SIK3: variants seen among roughly 807,000 people sequenced by gnomAD.
SIK3 encodes the protein serine/threonine-protein kinase SIK3.
Under a neutral mutation model 144.2 loss-of-function variants are expected in SIK3, and 28 were observed. The ratio of observed to expected loss-of-function variants is 0.19; its 90% CI spans 0.14 to 0.27. The LOEUF is 0.27. Ranked by LOEUF, SIK3 falls within the 10% of genes least tolerant of loss-of-function variation. SIK3 has a pLI of 1.00. For synonymous variants in SIK3, 686 were observed against 676.3 expected (o/e 1.01, Z -0.22); for missense variants, 1,319 against 1,776.0 (o/e 0.74, Z 4.62).
intron 1 of SIK3, among the ~76,000 whole-genome samples, chr11:117,012,829 T>G (rs1474867283): frequency 2.1e-4 from 31 of 149,504 alleles, no homozygotes; most frequent in Non-Finnish European, 2.1e-4. Context: ...TTCTTAGGGT[T>G]TTTTTTTTTG....
chr11:116,967,600 A>C (rs978090659), intron 1 of SIK3, among the ~76,000 whole-genome samples: 5 of 152,208 alleles, frequency 3.3e-5, no homozygotes, highest in African/African-American at 1.2e-4. Context: ...ACATCTCCCA[A>C]TTATTTGACA....
intron 1 of SIK3, among the ~76,000 whole-genome samples, chr11:117,055,929 C>T (rs548765073): frequency 6.6e-6 from 1 of 152,282 alleles, no homozygotes; most frequent in Non-Finnish European, 1.5e-5. Context: ...AATGAACCTG[C>T]CAGTGCCCTC....
Position 117,028,188 on chromosome 11 carries a change from G to A in SIK3, c.273+69955C>T, listed in dbSNP as rs150032152. Among the ~76,000 whole-genome samples, 777 of 152,234 alleles carry A rather than the reference G, an allele frequency of 5.1e-3. 7 individuals carry two copies. Among genetic ancestry groups the A allele is most frequent in the African/African-American group, 0.018 (736 of 41,524 alleles). On this transcript the variant is annotated intron_variant, in intron 1 of 24. Coordinates refer to ENST00000445177, the MANE Select transcript of SIK3 (RefSeq NM_001366686.3). ...ATTATATCAACACTAAGAAATGACGGTAGGACTCAAACTCAATTCCTATGA... is the reference window on the plus strand; with the variant it reads ...ATTATATCAACACTAAGAAATGACGATAGGACTCAAACTCAATTCCTATGA...
At chr11:117,040,100 GA>G (rs1330378497) in intron 1 of SIK3, among the ~76,000 whole-genome samples, 1 of 152,194 alleles carries the variant, frequency 6.6e-6, no homozygotes, top group African/African-American at 2.4e-5. Context: ...AAGGGGAAAA[GA>G]AAGTGCCTTA....
intron 1 of SIK3, among the ~76,000 whole-genome samples, chr11:117,033,059 C>T (rs1952332454): frequency 6.6e-6 from 1 of 152,202 alleles, no homozygotes; most frequent in African/African-American, 2.4e-5. Flanking sequence ...AATAAGGCTT[C>T]TCCTGCCATC....
At chr11:116,990,483 A>G (rs1233664406) in intron 1 of SIK3, among the ~76,000 whole-genome samples, 1 of 152,220 alleles carries the variant, frequency 6.6e-6, no homozygotes, top group East Asian at 1.9e-4. Context: ...AACTCAGAAT[A>G]CGTGGTCTAA....
intron 1 of SIK3, among the ~76,000 whole-genome samples, chr11:117,020,794 C>A (rs1203306001): frequency 2.0e-5 from 3 of 152,144 alleles, no homozygotes; most frequent in Non-Finnish European, 2.9e-5. Context: ...TCACTTGTGT[C>A]CTTTAAAACA....
chr11:116,994,455 G>A (rs925284824), intron 1 of SIK3, among the ~76,000 whole-genome samples: 1 of 152,224 alleles, frequency 6.6e-6, no homozygotes, highest in African/African-American at 2.4e-5. Context: ...CCTAAGAAAG[G>A]TGCTTGCCCT....
chr11:116,991,124 A>G (rs1205615458), intron 1 of SIK3, among the ~76,000 whole-genome samples: 1 of 152,218 alleles, frequency 6.6e-6, no homozygotes, highest in African/African-American at 2.4e-5. Context: ...TAAGGATTTA[A>G]TATCAGGCAC....
chr11:116,970,147 T>C (rs989326016), intron 1 of SIK3, among the ~76,000 whole-genome samples: 22 of 152,288 alleles, frequency 1.4e-4, no homozygotes, highest in African/African-American at 4.1e-4. Flanking sequence ...CACATTAGCA[T>C]GTGCCTGTGG....
At position 116,873,518 on chromosome 11, in the gene SIK3, C is replaced by T. The variant is rs751339743; in HGVS notation, c.1700G>A (p.Arg567His). ...IQLHAQQLLK[R>H]PRGPSPLVTM... ...GACAAGCGGAGAGGGTCCCCGTGGGCGCTTCAGCAGCTGCTGGGCATGCAG... is the reference window on the plus strand; with the variant it reads ...GACAAGCGGAGAGGGTCCCCGTGGGTGCTTCAGCAGCTGCTGGGCATGCAG... Residue 567 changes from arginine (R) to histidine (H), a missense_variant, in exon 13 of 25, where the codon CGC (arginine) becomes CAC (histidine). Arg to His is a conservative substitution (Grantham distance 29). Transcript: ENST00000445177. 6.5e-5 allele frequency: 105 copies of T among 1,613,660 alleles called. No individual in the cohort carries two copies. Among genetic ancestry groups the T allele is most frequent in the Non-Finnish European group, 6.6e-5 (78 of 1,179,888 alleles).
intron 21 of SIK3, among the ~76,000 whole-genome samples, chr11:116,853,583 C>T (rs938704806): frequency 2.0e-5 from 3 of 152,204 alleles, no homozygotes; most frequent in Non-Finnish European, 4.4e-5. Context: ...TCCTGACTCA[C>T]TTACTGGGTT....
At chr11:116,946,784 C>G (rs1347592739) in intron 3 of SIK3, among the ~76,000 whole-genome samples, 1 of 152,138 alleles carries the variant, frequency 6.6e-6, no homozygotes, top group African/African-American at 2.4e-5. Flanking sequence ...GCCTCCACTT[C>G]TTTAACATCT....
chr11:116,945,706 T>C (rs1948557866), intron 3 of SIK3, among the ~76,000 whole-genome samples: 1 of 152,160 alleles, frequency 6.6e-6, no homozygotes, highest in Non-Finnish European at 1.5e-5. Context: ...ATCAGTCCAA[T>C]TGTCTGTCTT....
At chr11:116,875,756 A>C in intron 9 of SIK3, 110 bp downstream of exon 9, 1 of 1,291,374 alleles carries the variant, frequency 7.7e-7, no homozygotes, top group Non-Finnish European at 1.1e-6. Context: ...GGGAGGAGAC[A>C]GAGGTAAGGA....
At chr11:117,060,084 A>T (rs927490865) in intron 1 of SIK3, among the ~76,000 whole-genome samples, 1 of 152,244 alleles carries the variant, frequency 6.6e-6, no homozygotes, top group African/African-American at 2.4e-5. Flanking sequence ...AGTTGAAAAA[A>T]GTTGAAAGCA....
intron 1 of SIK3, among the ~76,000 whole-genome samples, chr11:117,032,056 T>C (rs1565577040): frequency 6.6e-6 from 1 of 152,224 alleles, no homozygotes; most frequent in Non-Finnish European, 1.5e-5. Context: ...CTTCTACCAA[T>C]ATTACACAAT....
chr11:116,866,719 C>T (rs750588165), intron 15 of SIK3, among the ~76,000 whole-genome samples: 26 of 152,202 alleles, frequency 1.7e-4, no homozygotes, highest in African/African-American at 5.5e-4. Flanking sequence ...GGATTGCAGG[C>T]GTGAACCACC....
chr11:117,069,260 T>C (rs1360534895), intron 1 of SIK3, among the ~76,000 whole-genome samples: 3 of 151,378 alleles, frequency 2.0e-5, no homozygotes, highest in Non-Finnish European at 2.9e-5. Flanking sequence ...AATAATACAA[T>C]GTGCCTCTTG....
Sources: allele counts gnomAD v4.1 joint callset (sites outside exome capture counted in the v4.1 genomes callset), GRCh38; gene constraint gnomAD v4.1.1; transcripts MANE v1.5; gene names NCBI Gene and HGNC (gene_info 2026-07-23, HGNC 2026-07-21).